Variants in COL23A1 observed in about 807,000 individuals in gnomAD.
COL23A1 encodes collagen type XXIII alpha 1 chain, also known as collagen alpha-1(XXIII) chain.
Under a neutral mutation model 99.3 loss-of-function variants are expected in COL23A1, and 97 were observed. That is an observed-to-expected ratio of 0.98 (90% confidence interval 0.83 to 1.16). The LOEUF (loss-of-function observed/expected upper bound fraction) is 1.16. COL23A1 is among the 50% of genes most tolerant of loss of function. The pLI, the probability that COL23A1 is intolerant of heterozygous loss-of-function variation, is 0.00. For synonymous variants in COL23A1, 320 were observed against 308.2 expected (o/e 1.04, Z -0.40); for missense variants, 762 against 757.4 (o/e 1.01, Z -0.07).
intron 2 of COL23A1, among the ~76,000 whole-genome samples, chr5:178,543,242 G>C (rs562860695): frequency 5.8e-4 from 88 of 152,168 alleles, no homozygotes; most frequent in African/African-American, 2.0e-3. Flanking sequence ...CGGGTAGCTG[G>C]AACTACAGGC....
chr5:178,256,844 G>A (rs1471261417), intron 14 of COL23A1, 22 bp downstream of exon 14: 1 of 1,609,458 alleles, frequency 6.2e-7, no homozygotes, highest in Non-Finnish European at 8.5e-7. Flanking sequence ...GCAGGCGCCA[G>A]AGCAGAGAGC....
At chr5:178,451,251 AT>A in intron 2 of COL23A1, among the ~76,000 whole-genome samples, 1 of 152,356 alleles carries the variant, frequency 6.6e-6, no homozygotes, top group Non-Finnish European at 1.5e-5. Context: ...AATCAGTACA[AT>A]TATTTCCCAT....
At position 178,246,420 on chromosome 5, in the gene COL23A1, A is replaced by G; in HGVS notation, c.1330T>C (p.Ser444Pro). The change falls in exon 23 of 29, where the codon TCG (serine) becomes CCG (proline). Residue 444 changes from serine to proline, a missense_variant. By Grantham distance (74) the Ser-to-Pro change is moderately conservative. Transcript: ENST00000390654. ...AGGCCGCTGGGGCCTCTCTCACCCGACGCACCCTTCTCTCCCTTTGCTCCA... is the reference window on the plus strand; with the variant it reads ...AGGCCGCTGGGGCCTCTCTCACCCGGCGCACCCTTCTCTCCCTTTGCTCCA... ...LDGAKGEKGA[S>P]GERGPSGLPG... 2 of 1,579,432 alleles carry G rather than the reference A, an allele frequency of 1.3e-6. No individual in the cohort carries two copies. Among genetic ancestry groups the G allele is most frequent in the South Asian group, 1.2e-5 (1 of 86,156 alleles).
At chr5:178,258,520 C>T (rs1276792383) in intron 12 of COL23A1, among the ~76,000 whole-genome samples, 1 of 150,574 alleles carries the variant, frequency 6.6e-6, no homozygotes, top group African/African-American at 2.4e-5. Context: ...CTCAGCATCC[C>T]AAGTAGCTGG....
rs554891979 is a variant in COL23A1 at position 178,393,432 on chromosome 5, T to C, written c.362-86513A>G. On this transcript the variant is annotated intron_variant, in intron 2 of 28. Coordinates refer to ENST00000390654, the MANE Select transcript of COL23A1 (RefSeq NM_173465.4). ...GGTGCAGAGTTTTCGTTCTGCAAGA[T>C]GTAAACAGTTCTGATGATGGTTGCA... Among the ~76,000 whole-genome samples the C allele has an allele frequency of 2.0e-5, 3 of 152,300 alleles. No homozygotes were observed. The South Asian group carries it at 6.2e-4, about 32-fold the overall frequency.
intron 2 of COL23A1, among the ~76,000 whole-genome samples, chr5:178,378,439 T>C (rs2973726): frequency 0.39 from 58,975 of 151,500 alleles, 12,406 homozygotes; most frequent in African/African-American, 0.55. Context: ...CTGGAGGGAG[T>C]GGCAAGAAGG....
chr5:178,443,272 G>A (rs1193144649), intron 2 of COL23A1, among the ~76,000 whole-genome samples: 1 of 152,020 alleles, frequency 6.6e-6, no homozygotes, highest in East Asian at 1.9e-4. Context: ...TCAGAGCCTC[G>A]AGCGCTCTTC....
chr5:178,383,500 C>G (rs1763495949), intron 2 of COL23A1, among the ~76,000 whole-genome samples: 1 of 152,244 alleles, frequency 6.6e-6, no homozygotes, highest in Non-Finnish European at 1.5e-5. Flanking sequence ...TCTCTGCCAC[C>G]TGCAGGCCTG....
intron 2 of COL23A1, among the ~76,000 whole-genome samples, chr5:178,509,483 A>G (rs1759078416): frequency 1.3e-5 from 2 of 152,068 alleles, no homozygotes; most frequent in Non-Finnish European, 2.9e-5. Flanking sequence ...GGCCTCCCAA[A>G]GTGCTGGGAT....
At chr5:178,510,850 C>T (rs972702542) in intron 2 of COL23A1, among the ~76,000 whole-genome samples, 9 of 152,156 alleles carry the variant, frequency 5.9e-5, no homozygotes, top group African/African-American at 2.2e-4. Context: ...AAGCAAAAAC[C>T]TGGATATAAT....
intron 2 of COL23A1, among the ~76,000 whole-genome samples, chr5:178,426,687 C>CAG (rs920460761): frequency 6.6e-6 from 1 of 152,116 alleles, no homozygotes; most frequent in African/African-American, 2.4e-5. Flanking sequence ...AGACAAGCCG[C>CAG]AGAGAGAGAG....
At chr5:178,383,038 G>C (rs370131965) in intron 2 of COL23A1, among the ~76,000 whole-genome samples, 3 of 152,150 alleles carry the variant, frequency 2.0e-5, no homozygotes, top group East Asian at 1.9e-4. Context: ...CAGGAGCCAG[G>C]GGGTGTCTGT....
At chr5:178,399,006 C>T (rs113377946) in intron 2 of COL23A1, among the ~76,000 whole-genome samples, 6,186 of 152,352 alleles carry the variant, frequency 0.041, 422 homozygotes, top group African/African-American at 0.14. Flanking sequence ...CTCCAGCGTA[C>T]AGCAGTGCCC....
intron 2 of COL23A1, among the ~76,000 whole-genome samples, chr5:178,518,884 A>C (rs1759774176): frequency 6.7e-6 from 1 of 149,006 alleles, no homozygotes; most frequent in African/African-American, 2.5e-5. Context: ...GCAAAGACTG[A>C]GACAGCTCCG....
At chr5:178,358,426 T>C (rs1466311072) in intron 2 of COL23A1, among the ~76,000 whole-genome samples, 9 of 146,366 alleles carry the variant, frequency 6.1e-5, no homozygotes, top group East Asian at 2.0e-4. Context: ...TATGTGTGTG[T>C]ATGTGTATGT....
At chr5:178,511,054 T>G (rs931734065) in intron 2 of COL23A1, among the ~76,000 whole-genome samples, 1 of 152,222 alleles carries the variant, frequency 6.6e-6, no homozygotes, top group African/African-American at 2.4e-5. Context: ...AGGAAGGAAC[T>G]AGAAATTATA....
At chr5:178,425,423 A>C (rs1198736670) in intron 2 of COL23A1, among the ~76,000 whole-genome samples, 1 of 12,626 alleles carries the variant, frequency 7.9e-5, no homozygotes, top group Admixed American at 8.3e-4. Context: ...CTCCATCTCA[A>C]AATAAATAAA....
chr5:178,241,902 C>T (rs1764420838), intron 27 of COL23A1, 140 bp downstream of exon 27: 1 of 652,390 alleles, frequency 1.5e-6, no homozygotes, highest in African/African-American at 1.8e-5. Flanking sequence ...GCAGCAGTGG[C>T]CCTGACAGTG....
intron 6 of COL23A1, among the ~76,000 whole-genome samples, chr5:178,269,389 A>ACCCATCCATCCC (rs1756112962): frequency 1.3e-5 from 1 of 75,884 alleles, no homozygotes; most frequent in East Asian, 3.1e-4. Flanking sequence ...CCATCCATCC[A>ACCCATCCATCCC]CCCACCCATC....
Sources: gnomAD v4.1 joint callset for allele counts (sites outside exome capture counted in the v4.1 genomes callset) on GRCh38, gnomAD v4.1.1 for gene constraint, MANE v1.5 for transcripts, NCBI Gene and HGNC (gene_info 2026-07-23, HGNC 2026-07-21) for gene names.